SLIT3: variants seen among roughly 807,000 people sequenced by gnomAD.
SLIT3 encodes slit guidance ligand 3.
SLIT3 carries 68 observed loss-of-function variants against 184.0 expected under a neutral mutation model. The observed-to-expected ratio is 0.37, with a 90% CI of 0.30 to 0.45. The LOEUF is 0.45. Among genes scored for constraint, SLIT3 ranks in the 20% least tolerant of loss-of-function variants. The pLI is 1.00. For missense variants in SLIT3, 1,707 were observed against 2,026.0 expected (o/e 0.84, Z 3.02); for synonymous variants, 831 against 828.6 (o/e 1.00, Z -0.05).
chr5:169,044,039 G>A lies in SLIT3; in HGVS notation c.413+149440C>T, dbSNP rs1757537516. Among the ~76,000 whole-genome samples the A allele has an allele frequency of 1.3e-5, 2 of 152,232 alleles. 1 individual carries two copies. Among genetic ancestry groups the A allele is most frequent in the South Asian group, 4.1e-4 (2 of 4,832 alleles). On this transcript the variant is annotated intron_variant, in intron 4 of 35. Coordinates refer to ENST00000519560, the MANE Select transcript of SLIT3 (RefSeq NM_003062.4). Reference sequence around the variant, plus strand: ...AGGAGACTACCCTGAGTAGAGAGAAGTAGTAGATAAAGGCTAAAGTGGCCA... The same window carrying A: ...AGGAGACTACCCTGAGTAGAGAGAAATAGTAGATAAAGGCTAAAGTGGCCA...
At chr5:168,754,498 G>A (rs1442608814) in intron 16 of SLIT3, among the ~76,000 whole-genome samples, 1 of 152,170 alleles carries the variant, frequency 6.6e-6, no homozygotes, top group Non-Finnish European at 1.5e-5. Context: ...GTTTGAGGGA[G>A]ATGAAGAGAG....
At chr5:168,720,462 T>TGC (rs1762907965) in intron 23 of SLIT3, 1 of 152,156 alleles carries the variant, frequency 6.6e-6, no homozygotes, top group South Asian at 2.1e-4. Context: ...CTACTCTAAT[T>TGC]ATGAACAGAT....
chr5:168,745,776 A>C (rs1336948493), intron 20 of SLIT3, among the ~76,000 whole-genome samples: 1 of 132,332 alleles, frequency 7.6e-6, no homozygotes, highest in Admixed American at 8.0e-5. Flanking sequence ...TGTGTACTGC[A>C]GAGAAATCTT....
chr5:169,259,913 C>A (rs1461567098), intron 1 of SLIT3, among the ~76,000 whole-genome samples: 3 of 152,062 alleles, frequency 2.0e-5, no homozygotes, highest in South Asian at 2.1e-4. Flanking sequence ...CAAGAATTTG[C>A]AAAATGAAAC....
intron 1 of SLIT3, among the ~76,000 whole-genome samples, chr5:169,282,089 T>C (rs559159862): frequency 6.6e-6 from 1 of 152,196 alleles, no homozygotes; most frequent in Non-Finnish European, 1.5e-5. Context: ...GCATCCTCTC[T>C]ACAGAAAGAA....
chr5:169,244,743 C>A lies in SLIT3; in HGVS notation c.303G>T (p.Glu101Asp). Reference sequence around the variant, plus strand: ...GCTTCAGGTCCTGGAAGGCGCCTCTCTCGATGACGCTGACCTGGTTGTCTT... The same window carrying A: ...GCTTCAGGTCCTGGAAGGCGCCTCTATCGATGACGCTGACCTGGTTGTCTT... ...HLEDNQVSVIERGAFQDLKQL... is the reference protein window; with the variant it reads ...HLEDNQVSVIDRGAFQDLKQL... The change falls in exon 3 of 36, where the codon GAG becomes GAT. Residue 101 changes from glutamate to aspartate, a missense_variant. Physicochemically the swap from Glu to Asp is conservative, Grantham distance 45. Transcript: ENST00000519560. The A allele has an allele frequency of 1.2e-6, 2 of 1,614,042 alleles. No homozygotes were observed. The highest frequency in any genetic ancestry group is 1.7e-6 in the Non-Finnish European group (2 of 1,180,014).
intron 1 of SLIT3, among the ~76,000 whole-genome samples, chr5:169,296,368 T>C (rs1326675059): frequency 6.6e-6 from 1 of 152,200 alleles, no homozygotes; most frequent in East Asian, 1.9e-4. Flanking sequence ...TCTACTTTCA[T>C]GAAAATGAGG....
At chr5:169,028,244 G>GA (rs113331358) in intron 4 of SLIT3, among the ~76,000 whole-genome samples, 41,849 of 147,710 alleles carry the variant, frequency 0.28, 6,044 homozygotes, top group African/African-American at 0.38. Context: ...TTAGTGATGG[G>GA]AAAAAAAAAA....
At chr5:168,821,496 G>C (rs1443830627) in intron 7 of SLIT3, among the ~76,000 whole-genome samples, 1 of 152,194 alleles carries the variant, frequency 6.6e-6, no homozygotes, top group Non-Finnish European at 1.5e-5. Flanking sequence ...TCTGTGGTTT[G>C]CTGGGAACTT....
chr5:168,985,552 T>C (rs532736761), intron 4 of SLIT3, among the ~76,000 whole-genome samples: 3 of 152,348 alleles, frequency 2.0e-5, no homozygotes, highest in Admixed American at 2.0e-4. Context: ...ACAGCCCTCA[T>C]TTTTATTTGC....
At chr5:168,824,319 C>T (rs1167604598) in intron 6 of SLIT3, among the ~76,000 whole-genome samples, 1 of 152,216 alleles carries the variant, frequency 6.6e-6, no homozygotes, top group Non-Finnish European at 1.5e-5. Context: ...ATGAACGGAG[C>T]TCCTACGGTG....
chr5:169,080,202 G>T (rs1758971299), intron 4 of SLIT3, among the ~76,000 whole-genome samples: 1 of 152,086 alleles, frequency 6.6e-6, no homozygotes, highest in African/African-American at 2.4e-5. Flanking sequence ...GCTAAAACTG[G>T]ACTAACTAGG....
At chr5:169,197,187 G>A (rs1763768608) in intron 3 of SLIT3, among the ~76,000 whole-genome samples, 1 of 152,154 alleles carries the variant, frequency 6.6e-6, no homozygotes, top group Non-Finnish European at 1.5e-5. Flanking sequence ...TTAGCCAATT[G>A]TGTGCTGCCC....
chr5:168,954,606 G>A (rs1280180821), intron 4 of SLIT3, among the ~76,000 whole-genome samples: 2 of 152,160 alleles, frequency 1.3e-5, no homozygotes, highest in Admixed American at 6.5e-5. Flanking sequence ...GATGAGACAA[G>A]TAACACGTGA....
intron 5 of SLIT3, among the ~76,000 whole-genome samples, chr5:168,856,802 T>C (rs1334627594): frequency 0.019 from 2,761 of 143,130 alleles, 92 homozygotes; most frequent in African/African-American, 0.071. Flanking sequence ...TGTGTGTGTG[T>C]GTGTGCGCGC....
intron 10 of SLIT3, 49 bp downstream of exon 10, chr5:168,795,458 C>T: frequency 6.9e-7 from 1 of 1,455,468 alleles, no homozygotes; most frequent in South Asian, 1.1e-5. Context: ...TGCAAACAAC[C>T]CTGGAAATTG....
intron 15 of SLIT3, 39 bp from the exon 16 acceptor site, chr5:168,760,975 A>T: frequency 6.7e-7 from 1 of 1,487,368 alleles, no homozygotes; most frequent in Non-Finnish European, 9.4e-7. Context: ...TTAGCTGTGG[A>T]CGAGGCCCCT....
intron 4 of SLIT3, among the ~76,000 whole-genome samples, chr5:168,935,394 C>A (rs1350964996): frequency 1.3e-5 from 2 of 152,150 alleles, no homozygotes; most frequent in Non-Finnish European, 2.9e-5. Flanking sequence ...CATCAGCCTG[C>A]AGGGATGATT....
At chr5:168,905,378 T>C (rs745313803) in intron 4 of SLIT3, among the ~76,000 whole-genome samples, 1 of 150,772 alleles carries the variant, frequency 6.6e-6, no homozygotes, top group Non-Finnish European at 1.5e-5. Context: ...TGGTGCAGCC[T>C]TCTTCTTTTG....
Sources: allele counts gnomAD v4.1 joint callset (sites outside exome capture counted in the v4.1 genomes callset), GRCh38; gene constraint gnomAD v4.1.1; transcripts MANE v1.5; gene names NCBI Gene and HGNC (gene_info 2026-07-23, HGNC 2026-07-21).